The following PTPN23 variants were observed in gnomAD, a reference collection of about 807,000 sequenced individuals.
PTPN23 encodes protein tyrosine phosphatase non-receptor type 23.
In PTPN23, 72 loss-of-function variants were observed where a neutral mutation model predicts 156.3. The observed-to-expected ratio is 0.46, with a 90% confidence interval of 0.38 to 0.56. PTPN23 has a LOEUF of 0.56. Ranked by LOEUF, PTPN23 falls within the 20% of genes least tolerant of loss-of-function variation. The pLI, the probability that PTPN23 is intolerant of heterozygous loss-of-function variation, is 0.00. For missense variants in PTPN23, 1,974 were observed against 2,171.5 expected, an observed-to-expected ratio of 0.91 and a Z score of 1.81; for synonymous variants, 957 against 899.6, an observed-to-expected ratio of 1.06 and a Z score of -1.14.
intron 1 of PTPN23, among the ~76,000 whole-genome samples, chr3:47,382,907 C>T (rs1331736492): frequency 6.6e-6 from 1 of 151,312 alleles, no homozygotes; most frequent in Non-Finnish European, 1.5e-5. Flanking sequence ...CCAGGATAGT[C>T]TCGATCTCCC....
intron 2 of PTPN23, 141 bp from the exon 3 acceptor site, chr3:47,404,511 A>G (rs1043596843): frequency 2.9e-6 from 3 of 1,031,340 alleles, no homozygotes; most frequent in South Asian, 1.5e-5. Context: ...GACTATAGGT[A>G]TAGCCATGGA....
intron 17 of PTPN23, 43 bp from the exon 18 acceptor site, chr3:47,409,374 C>G (rs376311319): frequency 6.2e-7 from 1 of 1,613,408 alleles, no homozygotes; most frequent in Non-Finnish European, 8.5e-7. Context: ...CCTTAGGAGT[C>G]GAGGCCCTGA....
intron 1 of PTPN23, among the ~76,000 whole-genome samples, chr3:47,387,887 G>T (rs1439979038): frequency 6.6e-6 from 1 of 152,218 alleles, no homozygotes. Context: ...CACTATCATT[G>T]CTTATCTGTG....
At chr3:47,404,548 G>A in intron 2 of PTPN23, 104 bp from the exon 3 acceptor site, 1 of 1,482,146 alleles carries the variant, frequency 6.7e-7, no homozygotes, top group Non-Finnish European at 9.3e-7. Context: ...GGTGTGTGCA[G>A]TCGGCCAGCT....
Position 47,412,696 on chromosome 3 carries a change from G to A in PTPN23, c.4432-10G>A. ...GGGACTCCCTCTCCTCACTCACTCT[G>A]TCTTCTCAGAACCACCTTCCTCAGG... is the stretch of plus-strand genomic sequence containing the variant. On this transcript the variant is annotated splice_polypyrimidine_tract_variant and intron_variant, in intron 24 of 24. Transcript: ENST00000265562. 1.3e-6 allele frequency: 2 copies of A among 1,598,002 alleles called. No individual in the cohort carries two copies. The highest frequency in any genetic ancestry group is 1.7e-6 in the Non-Finnish European group (2 of 1,170,036).
intron 2 of PTPN23, among the ~76,000 whole-genome samples, chr3:47,396,519 G>A (rs1373683511): frequency 1.3e-5 from 2 of 152,186 alleles, no homozygotes; most frequent in East Asian, 3.9e-4. Context: ...AGGTTGCAGT[G>A]AGCTGAGATC....
At chr3:47,382,973 C>T (rs761242243) in intron 1 of PTPN23, among the ~76,000 whole-genome samples, 13 of 152,104 alleles carry the variant, frequency 8.5e-5, no homozygotes, top group African/African-American at 1.2e-4. Flanking sequence ...AGGCATGAGC[C>T]ACCGCGCCTG....
rs754694169 is a variant in PTPN23, at chr3:47,410,591, C to A, written c.2793C>A (p.Pro931=). The stretch of plus-strand genomic sequence containing the variant: ...CCTACCCTGCAGGGGCTAAGCAACC[C>A]ATCCCGGCACAGCACCACTTCTCTT... ...PYTYPAGAKQ[P]IPAQHHFSSG... Residue 931 remains proline (P), a synonymous_variant, in exon 20 of 25, where the codon CCC becomes CCA. Coordinates refer to ENST00000265562, the MANE Select transcript of PTPN23 (RefSeq NM_015466.4). The A allele has an allele frequency of 6.2e-7, 1 of 1,612,348 alleles. No homozygotes were observed.
Position 47,411,395 on chromosome 3 carries a change from A to C in PTPN23, c.3597A>C (p.Gln1199His). 1.2e-6 allele frequency: 2 copies of C among 1,613,078 alleles called. No individual in the cohort carries two copies. Among genetic ancestry groups the C allele is most frequent in the Non-Finnish European group, 1.7e-6 (2 of 1,180,028 alleles). ...GALDTVWREL[Q>H]DAQEHDARGR... ...TGGACACTGTCTGGCGAGAGCTGCA[A>C]GATGCGCAGGAACATGATGCCCGAG... Residue 1199 changes from glutamine to histidine, a missense_variant, in exon 20 of 25, where the codon CAA (glutamine) becomes CAC (histidine). Coordinates refer to ENST00000265562, the MANE Select transcript of PTPN23 (RefSeq NM_015466.4). The surrounding 1 kb of genome is among the most constrained non-coding windows in gnomAD (Gnocchi z 6.3).
intron 2 of PTPN23, among the ~76,000 whole-genome samples, chr3:47,403,626 T>G (rs1421749680): frequency 6.6e-6 from 1 of 152,116 alleles, no homozygotes; most frequent in African/African-American, 2.4e-5. Context: ...CCTCCCAGGC[T>G]CAATCGATCT....
chr3:47,408,982 A>G lies in PTPN23; in HGVS notation c.1537A>G (p.Ser513Gly), dbSNP rs1705197181. ...EVHEKASFTN[S>G]ELHRAMNLHV... ...CCATGAGAAGGCCTCCTTCACCAAC[A>G]GTGAGCTGCACCGTGCCATGAACCT... Residue 513 changes from serine (S) to glycine (G), a missense_variant, in exon 16 of 25, where the codon AGT becomes GGT. Transcript: ENST00000265562. The G allele has an allele frequency of 6.2e-7, 1 of 1,614,072 alleles. No individual in the cohort carries two copies. The highest frequency in any genetic ancestry group is 1.7e-5 in the Admixed American group (1 of 60,012).
rs745792155 is a variant in PTPN23, at chr3:47,404,812, C to T, written c.287+33C>T. On this transcript the variant is annotated intron_variant, in intron 3 of 24. Transcript: ENST00000265562. ...CCGCAGGCAGGGCTGGAGGATCCCACGGGGAGTCTGGGTGGTGGGGGTGCT... is the reference window on the plus strand; with the variant it reads ...CCGCAGGCAGGGCTGGAGGATCCCATGGGGAGTCTGGGTGGTGGGGGTGCT... 12 of 1,607,682 alleles carry T rather than the reference C, an allele frequency of 7.5e-6. No individual in the cohort carries two copies. The East Asian group carries it at 8.9e-5, about 12-fold the overall frequency.
chr3:47,396,272 G>A, intron 2 of PTPN23, 55 bp downstream of exon 2: 3 of 1,480,058 alleles, frequency 2.0e-6, no homozygotes, highest in Non-Finnish European at 2.8e-6. Context: ...GGTTTGATAG[G>A]GAGATAAAGA....
In PTPN23 at chr3:47,405,428, C is replaced by T; in HGVS notation, c.365-321C>T. 1.9e-6 allele frequency: 1 copy of T among 534,584 alleles called. No individual in the cohort carries two copies. The highest frequency in any genetic ancestry group is 3.4e-6 in the Non-Finnish European group (1 of 297,610). 33.1% of individuals were successfully genotyped at this position (534,584 alleles called of 1,614,324 possible). ...GGAGAGTGTGGCTGGCCTCAGCTTA[C>T]CCTGCTAGTCAGCCTTAGCCTGGCT... is the stretch of plus-strand genomic sequence containing the variant. On this transcript the variant is annotated intron_variant, in intron 4 of 24. Transcript: ENST00000265562. The surrounding 1 kb of genome is among the most constrained non-coding windows in gnomAD (Gnocchi z 4.7).
intron 1 of PTPN23, among the ~76,000 whole-genome samples, chr3:47,390,059 C>T (rs1198559049): frequency 3.3e-4 from 45 of 137,186 alleles, no homozygotes; most frequent in African/African-American, 1.2e-3. Context: ...GGTAACAGAG[C>T]GAGACTCCGT....
intron 1 of PTPN23, among the ~76,000 whole-genome samples, chr3:47,392,264 C>T (rs948793477): frequency 1.3e-5 from 2 of 152,128 alleles, no homozygotes; most frequent in Admixed American, 6.6e-5. Context: ...TAGCTCACTG[C>T]AGCTTCAAAC....
chr3:47,410,745 C>A lies in PTPN23; in HGVS notation c.2947C>A (p.Leu983Ile). The A allele has an allele frequency of 6.4e-7, 1 of 1,563,970 alleles. No homozygotes were observed. The highest frequency in any genetic ancestry group is 8.7e-7 in the Non-Finnish European group (1 of 1,152,930). ...GCCCCTTCCACTCCAGCATCCACAT[C>A]TCTTCCCACCCCAGGCCCCAGGACT... is the stretch of plus-strand genomic sequence containing the variant. ...QQPLPLQHPH[L>I]FPPQAPGLLP... Residue 983 changes from leucine (L) to isoleucine (I), a missense_variant, in exon 20 of 25, where the codon CTC (leucine) becomes ATC (isoleucine). This residue lies in a region of PTPN23 where 731 missense variants were observed against 669.1 expected (regional missense o/e 1.09). Transcript: ENST00000265562.
At position 47,407,881 on chromosome 3, in the gene PTPN23, C is replaced by T. The variant is rs1228702321; in HGVS notation, c.1119-9C>T. 2 of 1,614,068 alleles carry T rather than the reference C, an allele frequency of 1.2e-6. No individual in the cohort carries two copies. The highest frequency in any genetic ancestry group is 2.2e-5 in the South Asian group (2 of 91,092). On this transcript the variant is annotated splice_polypyrimidine_tract_variant and intron_variant, in intron 13 of 24. Coordinates refer to ENST00000265562, the MANE Select transcript of PTPN23 (RefSeq NM_015466.4). The surrounding 1 kb of genome is among the most constrained non-coding windows in gnomAD (Gnocchi z 4.0). ...TGGGTCTTCAGCAAATGCTCTGTCG[C>T]TTCTGCAGTGAGGAGAAGGCCAAGC...
chr3:47,407,452 G>A lies in PTPN23; in HGVS notation c.924-53G>A. ...GGCATCTACATGGGAAGTAGGTTCT[G>A]GATCCCCACTGACACCCCGTGACTG... On this transcript the variant is annotated intron_variant, in intron 11 of 24. Coordinates refer to ENST00000265562, the MANE Select transcript of PTPN23 (RefSeq NM_015466.4). This position sits in a 1 kb window ranked among gnomAD's most constrained non-coding sequence, Gnocchi z 4.0. The A allele has an allele frequency of 6.2e-7, 1 of 1,608,048 alleles. No individual in the cohort carries two copies. Among genetic ancestry groups the A allele is most frequent in the South Asian group, 1.1e-5 (1 of 90,894 alleles).
Sources: gnomAD v4.1 joint callset for allele counts (sites outside exome capture counted in the v4.1 genomes callset) on GRCh38, gnomAD v4.1.1 for gene constraint, gnomAD v4.1.1 regional missense constraint, Gnocchi (gnomAD v3.1) non-coding constraint, MANE v1.5 for transcripts, NCBI Gene and HGNC (gene_info 2026-07-23, HGNC 2026-07-21) for gene names.